FTCDNL1: variants seen among roughly 807,000 people sequenced by gnomAD.
The protein encoded by FTCDNL1 is formiminotransferase cyclodeaminase N-terminal like.
Under a neutral mutation model 5.9 loss-of-function variants are expected in FTCDNL1, and 11 were observed. That is an observed-to-expected ratio of 1.87 (90% confidence interval 1.18 to 3.10). FTCDNL1 has a LOEUF of 3.10. FTCDNL1 is among the 30% of genes most tolerant of loss of function. FTCDNL1 has a pLI of 0.00. For missense variants in FTCDNL1, 115 were observed against 65.5 expected, an observed-to-expected ratio of 1.76 and a Z score of -2.61; for synonymous variants, 58 against 24.8, an observed-to-expected ratio of 2.34 and a Z score of -3.99.
At chr2:199,745,386 T>A in the FTCDNL1 span, among the ~76,000 whole-genome samples, 16 of 152,240 alleles carry the variant, frequency 1.1e-4, no homozygotes, top group Admixed American at 1.3e-4. Flanking sequence ...TGTCCCAAGA[T>A]GCCTTTTCCT....
At chr2:199,777,114 G>A (rs941233823) in intron 3 of FTCDNL1, among the ~76,000 whole-genome samples, 5 of 151,764 alleles carry the variant, frequency 3.3e-5, no homozygotes, top group South Asian at 2.1e-4. Flanking sequence ...CCAACATGGC[G>A]AAACCCCGTC....
At chr2:199,820,062 A>G (rs913532491) in intron 3 of FTCDNL1, among the ~76,000 whole-genome samples, 2 of 152,238 alleles carry the variant, frequency 1.3e-5, no homozygotes, top group Admixed American at 1.3e-4. Context: ...CCCATTACAA[A>G]TCTAATTTCA....
intron 3 of FTCDNL1, among the ~76,000 whole-genome samples, chr2:199,780,575 C>A (rs1241719940): frequency 6.6e-6 from 1 of 152,184 alleles, no homozygotes; most frequent in African/African-American, 2.4e-5. Context: ...GTCTCAAAAC[C>A]AGCCCATCTC....
At chr2:199,805,184 A>C (rs1700658470), downstream of FTCDNL1, among the ~76,000 whole-genome samples, 1 of 152,188 alleles carries the variant, frequency 6.6e-6, no homozygotes, top group Admixed American at 6.5e-5. Context: ...AAAAGGAAGG[A>C]GCAATCCCTC....
chr2:199,758,993 T>C (rs79803254), downstream of FTCDNL1, among the ~76,000 whole-genome samples: 904 of 152,076 alleles, frequency 5.9e-3, 7 homozygotes, highest in African/African-American at 0.02. Flanking sequence ...AGAAAAACAC[T>C]GAAGAACAAA....
intron 3 of FTCDNL1, among the ~76,000 whole-genome samples, chr2:199,765,556 A>ATATATATATATATATTTTTTTTTTTTT: frequency 2.3e-5 from 1 of 42,662 alleles, no homozygotes; most frequent in Admixed American, 4.3e-4. Flanking sequence ...ATATATATAT[A>ATATATATATATATATTTTTTTTTTTTT]TTTTTTTTTT....
the FTCDNL1 span, among the ~76,000 whole-genome samples, chr2:199,732,609 G>A: frequency 2.0e-5 from 3 of 151,292 alleles, no homozygotes; most frequent in African/African-American, 7.3e-5. Flanking sequence ...AAGATCTCCA[G>A]GACATATCAC....
chr2:199,828,661 A>G (rs902393875), intron 3 of FTCDNL1, among the ~76,000 whole-genome samples: 1 of 152,216 alleles, frequency 6.6e-6, no homozygotes, highest in African/African-American at 2.4e-5. Flanking sequence ...TTTTATTGAT[A>G]GTATCAAATC....
chr2:199,830,550 A>G (rs1451940648), intron 3 of FTCDNL1, among the ~76,000 whole-genome samples: 1 of 152,218 alleles, frequency 6.6e-6, no homozygotes, highest in Non-Finnish European at 1.5e-5. Context: ...AAAGCTAACC[A>G]GTATTCGTCC....
the FTCDNL1 span, among the ~76,000 whole-genome samples, chr2:199,753,235 A>T: frequency 6.6e-6 from 1 of 152,226 alleles, no homozygotes; most frequent in Non-Finnish European, 1.5e-5. Context: ...CACCTCCAAA[A>T]AGCCAACATT....
chr2:199,812,826 AT>A (rs1192536254), intron 4 of FTCDNL1, 102 bp from the exon 5 acceptor site: 7 of 596,584 alleles, frequency 1.2e-5, no homozygotes, highest in South Asian at 2.0e-5. Context: ...CTAGTTAAAT[AT>A]TTTTTTATCA....
intron 3 of FTCDNL1, among the ~76,000 whole-genome samples, chr2:199,841,665 A>T (rs2076592348): frequency 1.3e-5 from 2 of 151,886 alleles, no homozygotes; most frequent in Non-Finnish European, 2.9e-5. Context: ...ATGTAAAAAA[A>T]ATGTATTCAT....
intron 4 of FTCDNL1, chr2:199,818,543 C>G (rs924848978): frequency 6.6e-6 from 1 of 151,910 alleles, no homozygotes; most frequent in African/African-American, 2.4e-5. Flanking sequence ...GAACCACGGT[C>G]ACACAGCCAG....
At chr2:199,825,967 T>TCACATGTATCTGC (rs1553548364) in intron 3 of FTCDNL1, among the ~76,000 whole-genome samples, 2 of 152,102 alleles carry the variant, frequency 1.3e-5, no homozygotes, top group Non-Finnish European at 2.9e-5. Context: ...AATGTTCTGG[T>TCACATGTATCTGC]CACATGTATG....
chr2:199,790,686 C>A (rs1176823286), intron 3 of FTCDNL1, among the ~76,000 whole-genome samples: 1 of 151,888 alleles, frequency 6.6e-6, no homozygotes, highest in Non-Finnish European at 1.5e-5. Context: ...TTAAACATAT[C>A]CACACTGTCA....
chr2:199,665,980 A>G, the FTCDNL1 span, among the ~76,000 whole-genome samples: 1 of 152,190 alleles, frequency 6.6e-6, no homozygotes. Context: ...CCTGCCTTTT[A>G]GGAGTAACAA....
At chr2:199,739,305 G>A in the FTCDNL1 span, among the ~76,000 whole-genome samples, 1 of 152,176 alleles carries the variant, frequency 6.6e-6, no homozygotes, top group Non-Finnish European at 1.5e-5. Context: ...GAATCGGGGT[G>A]CTCTTATCAA....
At chr2:199,747,023 TAA>T in the FTCDNL1 span, among the ~76,000 whole-genome samples, 1 of 108,136 alleles carries the variant, frequency 9.2e-6, no homozygotes, top group East Asian at 3.0e-4. Context: ...AGGGTTTATT[TAA>T]AACACACACA....
chr2:199,686,973 T>A, the FTCDNL1 span, among the ~76,000 whole-genome samples: 1 of 152,218 alleles, frequency 6.6e-6, no homozygotes, highest in Admixed American at 6.5e-5. Flanking sequence ...CTCTAAGTTT[T>A]AGGCCCATCC....
Sources: gnomAD v4.1 joint callset for allele counts (sites outside exome capture counted in the v4.1 genomes callset) on GRCh38, gnomAD v4.1.1 for gene constraint, MANE v1.5 for transcripts, NCBI Gene and HGNC (gene_info 2026-07-23, HGNC 2026-07-21) for gene names.